USP26: variants seen among roughly 807,000 people sequenced by gnomAD.
USP26 encodes ubiquitin carboxyl-terminal hydrolase 26.
For synonymous variants in USP26, 236 were observed against 240.6 expected (o/e 0.98, Z 0.18); for missense variants, 649 against 642.3 (o/e 1.01, Z -0.11).
At chrX:133,093,470 G>C (rs1034890710) in intron 1 of USP26, among the ~76,000 whole-genome samples, 1 of 110,034 alleles carries the variant, frequency 9.1e-6, no homozygotes, top group African/African-American at 3.3e-5. Flanking sequence ...AGTCTATTGA[G>C]GAGGAAGAAA....
At chrX:133,051,883 G>A (rs935162743) in intron 5 of USP26, among the ~76,000 whole-genome samples, 2 of 111,886 alleles carry the variant, frequency 1.8e-5, no homozygotes, top group Non-Finnish European at 3.8e-5. Flanking sequence ...AATTTTGACC[G>A]CCCAAGATAC....
At chrX:133,077,927 C>CA (rs761989234) in intron 5 of USP26, among the ~76,000 whole-genome samples, 1 of 110,707 alleles carries the variant, frequency 9.0e-6, no homozygotes, top group African/African-American at 3.3e-5. Context: ...ACTAAAAATA[C>CA]AAAAAAATTA....
intron 5 of USP26, among the ~76,000 whole-genome samples, chrX:133,034,569 T>C (rs1420098044): frequency 8.9e-6 from 1 of 112,515 alleles, no homozygotes; most frequent in African/African-American, 3.2e-5. Context: ...ATCAGTATCT[T>C]TGATCATTTT....
chrX:133,026,692 A>C lies in USP26; in HGVS notation c.1529T>G (p.Phe510Cys). The C allele has an allele frequency of 2.5e-6, 3 of 1,210,912 alleles. No homozygotes were observed. Among genetic ancestry groups the C allele is most frequent in the Non-Finnish European group, 2.2e-6 (2 of 895,205 alleles). Reference protein sequence around the residue: ...EHKTSVGVHSFSRLPRILIVH... With the variant: ...EHKTSVGVHSCSRLPRILIVH... Reference sequence around the variant, plus strand: ...AATAAGGATTCTAGGTAGCCTACTGAATGAGTGCACTCCAACGGAAGTCTT... The same window carrying C: ...AATAAGGATTCTAGGTAGCCTACTGCATGAGTGCACTCCAACGGAAGTCTT... Residue 510 changes from phenylalanine to cysteine, a missense_variant, in exon 6 of 6, where the codon TTC becomes TGC. Transcript: ENST00000511190.
chrX:133,049,054 A>G (rs1332406844), intron 5 of USP26, among the ~76,000 whole-genome samples: 1 of 112,140 alleles, frequency 8.9e-6, no homozygotes, highest in East Asian at 2.8e-4. Flanking sequence ...TGAGAGTCAG[A>G]ATTCATGAGA....
intron 1 of USP26, among the ~76,000 whole-genome samples, chrX:133,094,536 A>G (rs1414320720): frequency 4.5e-5 from 5 of 111,299 alleles, no homozygotes; most frequent in African/African-American, 1.6e-4. Context: ...CATGACTTCC[A>G]ACGGCTGTTC....
chrX:133,039,936 C>T (rs769992462), intron 5 of USP26, among the ~76,000 whole-genome samples: 14 of 111,512 alleles, frequency 1.3e-4, no homozygotes, highest in Non-Finnish European at 3.8e-5. Context: ...ATCCCTTTAC[C>T]ATTATGTAAT....
rs180681870 is a variant in USP26 at position 133,072,467 on chromosome X, C to T, written c.-77+11240G>A. ...CCTCTATAAAGTCCTTGACTGCCTT[C>T]ACCCTTCAATAACACAATGGTTAAG... On this transcript the variant is annotated intron_variant, in intron 5 of 5. Transcript: ENST00000511190. Among the ~76,000 whole-genome samples, 351 of 112,295 alleles carry T rather than the reference C, an allele frequency of 3.1e-3. 1 individual carries two copies. Among genetic ancestry groups the T allele is most frequent in the Non-Finnish European group, 5.4e-3 (286 of 53,356 alleles).
chrX:133,074,835 T>A (rs2067542301), intron 5 of USP26, among the ~76,000 whole-genome samples: 1 of 112,191 alleles, frequency 8.9e-6, no homozygotes, highest in Non-Finnish European at 1.9e-5. Context: ...AGAAATTAAT[T>A]TTCTGGTCAT....
At chrX:133,041,474 T>G (rs1033846450) in intron 5 of USP26, among the ~76,000 whole-genome samples, 1 of 112,030 alleles carries the variant, frequency 8.9e-6, no homozygotes, top group South Asian at 3.8e-4. Flanking sequence ...CTGCTGCAGC[T>G]TGCTTGAGGT....
At chrX:133,059,011 G>A (rs1411630407) in intron 5 of USP26, among the ~76,000 whole-genome samples, 4 of 109,852 alleles carry the variant, frequency 3.6e-5, no homozygotes, top group Non-Finnish European at 7.6e-5. Context: ...ACAGGGTTTT[G>A]CAATGTTGGC....
At chrX:133,031,911 C>T (rs1312860786) in intron 5 of USP26, among the ~76,000 whole-genome samples, 2 of 111,436 alleles carry the variant, frequency 1.8e-5, no homozygotes, top group Non-Finnish European at 3.8e-5. Context: ...TTTGGGGAGG[C>T]TGAGGCAGAT....
At chrX:133,095,060 G>C (rs1433924716) in intron 1 of USP26, among the ~76,000 whole-genome samples, 1 of 91,390 alleles carries the variant, frequency 1.1e-5, no homozygotes, top group Non-Finnish European at 2.1e-5. Context: ...GTGCCACTGC[G>C]CTCCAGCCTG....
intron 5 of USP26, among the ~76,000 whole-genome samples, chrX:133,067,625 C>T (rs1167318644): frequency 1.8e-5 from 2 of 112,107 alleles, no homozygotes; most frequent in African/African-American, 6.5e-5. Context: ...AACACAGGAA[C>T]AGAAAACAAA....
At chrX:133,070,151 G>T (rs2067526088) in intron 5 of USP26, among the ~76,000 whole-genome samples, 1 of 111,836 alleles carries the variant, frequency 8.9e-6, no homozygotes, top group African/African-American at 3.2e-5. Context: ...TGGAGACAGA[G>T]AAATAGCCAG....
intron 5 of USP26, among the ~76,000 whole-genome samples, chrX:133,048,985 GA>G (rs2067450047): frequency 8.9e-6 from 1 of 112,219 alleles, no homozygotes; most frequent in Non-Finnish European, 1.9e-5. Flanking sequence ...CAAATGGAGA[GA>G]AAAGATTCAT....
At chrX:133,066,588 A>AT (rs1394870647) in intron 5 of USP26, among the ~76,000 whole-genome samples, 23 of 111,696 alleles carry the variant, frequency 2.1e-4, no homozygotes, top group African/African-American at 7.5e-4. Context: ...CAACTATCTG[A>AT]TCTGGAGAAA....
At chrX:133,052,470 T>G (rs1264929950) in intron 5 of USP26, among the ~76,000 whole-genome samples, 3 of 112,513 alleles carry the variant, frequency 2.7e-5, no homozygotes, top group Non-Finnish European at 5.6e-5. Flanking sequence ...GAAAAAAAAG[T>G]AAAATTGGAT....
At chrX:133,061,651 C>A (rs142672198) in intron 5 of USP26, among the ~76,000 whole-genome samples, 1 of 111,713 alleles carries the variant, frequency 9.0e-6, no homozygotes, top group Admixed American at 9.4e-5. Context: ...CTACAGAGGG[C>A]GAGCAGAAGC....
Sources: gnomAD v4.1 joint callset for allele counts (sites outside exome capture counted in the v4.1 genomes callset) on GRCh38, gnomAD v4.1.1 for gene constraint, MANE v1.5 for transcripts, NCBI Gene and HGNC (gene_info 2026-07-23, HGNC 2026-07-21) for gene names.